The following MAMLD1 variants were observed in gnomAD, a reference collection of about 807,000 sequenced individuals.
MAMLD1 encodes mastermind like domain containing 1.
A neutral mutation model predicts 45.0 loss-of-function variants in MAMLD1; 14 were observed. The ratio of observed to expected loss-of-function variants is 0.31; its 90% CI spans 0.21 to 0.49. The LOEUF (loss-of-function observed/expected upper bound fraction) is 0.49, where lower values mean the gene tolerates loss of function less well. Ranked by LOEUF, MAMLD1 falls within the 20% of genes least tolerant of loss-of-function variation. MAMLD1 has a pLI of 0.99. For synonymous variants in MAMLD1, 254 were observed against 247.8 expected, an observed-to-expected ratio of 1.02 and a Z score of -0.24; for missense variants, 543 against 603.6, an observed-to-expected ratio of 0.90 and a Z score of 1.05.
intron 1 of MAMLD1, among the ~76,000 whole-genome samples, chrX:150,422,131 C>T (rs1406381392): frequency 8.9e-6 from 1 of 112,488 alleles, no homozygotes; most frequent in Non-Finnish European, 1.9e-5. Context: ...GAGGTTGAAA[C>T]CTCAGTGATG....
intron 1 of MAMLD1, among the ~76,000 whole-genome samples, chrX:150,402,258 G>A (rs782481350): frequency 0.028 from 2,998 of 108,383 alleles, 121 homozygotes; most frequent in African/African-American, 0.096. Flanking sequence ...AAAAGTGGGC[G>A]AAGGACATGA....
chrX:150,474,418 T>C (rs377694003), intron 5 of MAMLD1, among the ~76,000 whole-genome samples: 1 of 112,648 alleles, frequency 8.9e-6, no homozygotes, highest in East Asian at 2.8e-4. Flanking sequence ...AGTGTGTTAA[T>C]ACATCTAAAG....
chrX:150,378,335 C>T, intron 1 of MAMLD1, among the ~76,000 whole-genome samples: 1 of 112,244 alleles, frequency 8.9e-6, no homozygotes, highest in South Asian at 3.6e-4. Context: ...TCAGGAGGTC[C>T]ACGATGTTAG....
At chrX:150,371,179 C>T (rs1276450223) in intron 1 of MAMLD1, among the ~76,000 whole-genome samples, 2 of 111,537 alleles carry the variant, frequency 1.8e-5, no homozygotes, top group Non-Finnish European at 3.8e-5. Context: ...TCCCAGACCC[C>T]CATTTCCTTG....
chrX:150,393,486 G>C (rs1479021980), intron 1 of MAMLD1, among the ~76,000 whole-genome samples: 6 of 112,074 alleles, frequency 5.4e-5, no homozygotes, highest in African/African-American at 1.9e-4. Context: ...CAGATCATAT[G>C]GTAAGAGTAT....
At chrX:150,474,482 C>T (rs983186430) in intron 5 of MAMLD1, among the ~76,000 whole-genome samples, 2 of 112,416 alleles carry the variant, frequency 1.8e-5, no homozygotes, top group African/African-American at 3.2e-5. Context: ...TTTGCTGTCA[C>T]GATGACTCTA....
chrX:150,457,382 A>G (rs1205995043), intron 2 of MAMLD1, among the ~76,000 whole-genome samples: 2 of 112,336 alleles, frequency 1.8e-5, no homozygotes, highest in Admixed American at 1.9e-4. Context: ...CAAGTTTCCA[A>G]GAAGACCAAG....
intron 5 of MAMLD1, among the ~76,000 whole-genome samples, chrX:150,476,204 A>G (rs1238342804): frequency 6.3e-5 from 7 of 111,010 alleles, no homozygotes; most frequent in Non-Finnish European, 1.3e-4. Context: ...GATTTTAATG[A>G]CCCCAAATTG....
intron 6 of MAMLD1, among the ~76,000 whole-genome samples, chrX:150,506,023 T>A (rs1456983328): frequency 8.9e-6 from 1 of 112,512 alleles, no homozygotes; most frequent in Non-Finnish European, 1.9e-5. Context: ...TATACTATCT[T>A]CCTGTCATTG....
intron 2 of MAMLD1, among the ~76,000 whole-genome samples, chrX:150,447,519 C>T (rs909090634): frequency 5.4e-5 from 6 of 111,842 alleles, no homozygotes; most frequent in East Asian, 5.6e-4. Flanking sequence ...TGCTGCTGTA[C>T]GGTATCCCTG....
At chrX:150,429,828 G>GT (rs1274899058) in intron 1 of MAMLD1, among the ~76,000 whole-genome samples, 1 of 109,076 alleles carries the variant, frequency 9.2e-6, no homozygotes, top group Non-Finnish European at 1.9e-5. Context: ...TGTTGTCATT[G>GT]TTTTTTAGCT....
chrX:150,365,382 C>G (rs1278098234), intron 1 of MAMLD1, among the ~76,000 whole-genome samples: 1 of 112,662 alleles, frequency 8.9e-6, no homozygotes, highest in African/African-American at 3.2e-5. Flanking sequence ...CCTGGACACC[C>G]TAAATCCTGG....
chrX:150,490,940 A>T (rs1297924523), intron 5 of MAMLD1, among the ~76,000 whole-genome samples: 1 of 112,035 alleles, frequency 8.9e-6, no homozygotes, highest in Non-Finnish European at 1.9e-5. Flanking sequence ...AAAATGCATG[A>T]TCATCTCAAT....
chrX:150,377,380 T>A (rs1355838860), intron 1 of MAMLD1, among the ~76,000 whole-genome samples: 2 of 113,523 alleles, frequency 1.8e-5, no homozygotes, highest in Admixed American at 1.8e-4. Flanking sequence ...ATTTGGAAGA[T>A]GTGACTTGAC....
chrX:150,482,008 G>GAAAGAAAT (rs2036820911), intron 5 of MAMLD1, among the ~76,000 whole-genome samples: 1 of 106,769 alleles, frequency 9.4e-6, no homozygotes, highest in Non-Finnish European at 1.9e-5. Context: ...AAGAAAGAAA[G>GAAAGAAAT]AAAGAAAGAA....
chrX:150,368,605 C>T (rs1274298428), intron 1 of MAMLD1, among the ~76,000 whole-genome samples: 1 of 111,356 alleles, frequency 9.0e-6, no homozygotes, highest in Non-Finnish European at 1.9e-5. Flanking sequence ...GTTGCCATTG[C>T]TTTTGGTGTT....
chrX:150,407,359 G>A (rs1227105254), intron 1 of MAMLD1, among the ~76,000 whole-genome samples: 1 of 111,811 alleles, frequency 8.9e-6, no homozygotes, highest in Non-Finnish European at 1.9e-5. Context: ...TTCTCTTGGC[G>A]ACAAAGTCAC....
chrX:150,395,801 T>G (rs1378584757), intron 1 of MAMLD1, among the ~76,000 whole-genome samples: 3 of 110,499 alleles, frequency 2.7e-5, no homozygotes, highest in Non-Finnish European at 5.7e-5. Context: ...TTTATAATAT[T>G]AATAGGTCAT....
At chrX:150,447,422 A>G (rs1224277313) in intron 2 of MAMLD1, among the ~76,000 whole-genome samples, 3 of 111,994 alleles carry the variant, frequency 2.7e-5, no homozygotes, top group Non-Finnish European at 5.6e-5. Flanking sequence ...AGCCTCCAAA[A>G]GCAACTCTCT....
Sources: allele counts gnomAD v4.1 joint callset (sites outside exome capture counted in the v4.1 genomes callset), GRCh38; gene constraint gnomAD v4.1.1; transcripts MANE v1.5; gene names NCBI Gene and HGNC (gene_info 2026-07-23, HGNC 2026-07-21).